COL28A1: variants seen among roughly 807,000 people sequenced by gnomAD.
COL28A1 encodes the protein collagen type XXVIII alpha 1 chain.
In COL28A1, 161 loss-of-function variants were observed where a neutral mutation model predicts 150.2. The ratio of observed to expected loss-of-function variants is 1.07; its 90% CI spans 0.94 to 1.22. The LOEUF (loss-of-function observed/expected upper bound fraction) is 1.22, where lower values mean the gene tolerates loss of function less well. COL28A1 is among the 50% of genes most tolerant of loss of function. The pLI, the probability that COL28A1 is intolerant of heterozygous loss-of-function variation, is 0.00. For synonymous variants in COL28A1, 552 were observed against 469.7 expected (o/e 1.18, Z -2.26); for missense variants, 1,617 against 1,388.3 (o/e 1.16, Z -2.62).
chr7:7,457,917 G>A (rs1242992920), intron 15 of COL28A1, among the ~76,000 whole-genome samples: 1 of 152,164 alleles, frequency 6.6e-6, no homozygotes, highest in Non-Finnish European at 1.5e-5. Context: ...CTTTTAAACA[G>A]TTGGATAGCA....
At chr7:7,402,615 CA>C (rs932533898) in intron 27 of COL28A1, among the ~76,000 whole-genome samples, 2 of 152,118 alleles carry the variant, frequency 1.3e-5, no homozygotes, top group African/African-American at 2.4e-5. Context: ...AAATAAATAT[CA>C]AGGCAAAACA....
intron 3 of COL28A1, among the ~76,000 whole-genome samples, chr7:7,525,710 G>C (rs538279393): frequency 6.6e-6 from 1 of 152,280 alleles, no homozygotes; most frequent in South Asian, 2.1e-4. Flanking sequence ...AGAGGGACGA[G>C]ATAACAAAAT....
At chr7:7,360,549 T>C (rs755563572) in intron 33 of COL28A1, 21 bp from the exon 34 acceptor site, 24 of 1,586,780 alleles carry the variant, frequency 1.5e-5, no homozygotes, top group East Asian at 2.3e-5. Context: ...ATATTCACAT[T>C]TTGTGTTTCT....
Position 7,484,891 on chromosome 7 carries a change from G to T in COL28A1, c.1164+4498C>A, listed in dbSNP as rs1018444094. 6.6e-5 allele frequency among the ~76,000 whole-genome samples: 10 copies of T among 152,104 alleles called. No individual in the cohort carries two copies. In the South Asian group the frequency reaches 8.3e-4, roughly 13 times the overall value. On this transcript the variant is annotated intron_variant, in intron 13 of 34. Transcript: ENST00000399429. ...AAACTAACTCAGAAATCCAAATACT[G>T]CATGTTCTTACCTATAAGTGGGAGC...
intron 15 of COL28A1, among the ~76,000 whole-genome samples, chr7:7,456,511 C>G (rs6948123): frequency 0.057 from 8,621 of 152,114 alleles, 823 homozygotes; most frequent in African/African-American, 0.2. Context: ...TTTAAATTTT[C>G]TAAATACCCT....
chr7:7,452,250 G>T (rs1056659849), intron 18 of COL28A1, 69 bp downstream of exon 18: 83 of 1,564,894 alleles, frequency 5.3e-5, no homozygotes, highest in Middle Eastern at 3.5e-4. Context: ...TAAGGCAATT[G>T]GATATAAAGG....
rs545200838 is a variant in COL28A1, at chr7:7,388,715, G to C, written c.2137-7103C>G. Among the ~76,000 whole-genome samples, 4 of 152,228 alleles carry C rather than the reference G, an allele frequency of 2.6e-5. No homozygotes were observed. In the East Asian group the frequency reaches 7.7e-4, roughly 29 times the overall value. Reference sequence around the variant, plus strand: ...ATCGCCATTCTAACTGGTGTGAGATGGTATCTCATTGTGGTTTTGATTGGC... The same window carrying C: ...ATCGCCATTCTAACTGGTGTGAGATCGTATCTCATTGTGGTTTTGATTGGC... On this transcript the variant is annotated intron_variant, in intron 27 of 34. Transcript: ENST00000399429.
intron 2 of COL28A1, 149 bp downstream of exon 2, chr7:7,532,603 T>C: frequency 9.9e-7 from 1 of 1,013,260 alleles, no homozygotes; most frequent in Non-Finnish European, 1.4e-6. Flanking sequence ...GTATGTAAGG[T>C]ATATTATCAT....
intron 27 of COL28A1, among the ~76,000 whole-genome samples, chr7:7,391,064 A>T (rs1213585760): frequency 6.6e-6 from 1 of 152,052 alleles, no homozygotes; most frequent in Non-Finnish European, 1.5e-5. Context: ...TTTAGTTGCG[A>T]TGTTAGGGTG....
At chr7:7,521,818 G>C (rs1032181457) in intron 5 of COL28A1, 87 bp downstream of exon 5, 9 of 799,424 alleles carry the variant, frequency 1.1e-5, no homozygotes, top group Non-Finnish European at 2.0e-5. Context: ...TTTCAGCAGT[G>C]CAAAATAGCC....
intron 8 of COL28A1, 101 bp downstream of exon 8, chr7:7,515,713 C>CA (rs1026951532): frequency 2.7e-6 from 2 of 750,674 alleles, no homozygotes; most frequent in Non-Finnish European, 2.4e-6. Context: ...TCCAGACTTA[C>CA]AAAAATAAAG....
At chr7:7,522,015 C>T (rs746261721) in intron 4 of COL28A1, 54 bp from the exon 5 acceptor site, 1 of 837,486 alleles carries the variant, frequency 1.2e-6, no homozygotes, top group Admixed American at 1.7e-5. Flanking sequence ...AAATTGTATG[C>T]AGCATTTCAA....
chr7:7,393,368 C>A (rs915265745), intron 27 of COL28A1, among the ~76,000 whole-genome samples: 1 of 152,202 alleles, frequency 6.6e-6, no homozygotes, highest in Non-Finnish European at 1.5e-5. Context: ...AGATGCCAGA[C>A]AGAGCTCTCC....
chr7:7,356,139 T>A (rs904474507), downstream of COL28A1: 4 of 151,160 alleles, frequency 2.6e-5, no homozygotes, highest in African/African-American at 9.8e-5. Flanking sequence ...ATATATGGAT[T>A]AGTTATACCA....
intron 27 of COL28A1, among the ~76,000 whole-genome samples, chr7:7,401,447 G>A (rs925948497): frequency 3.9e-5 from 6 of 152,086 alleles, no homozygotes; most frequent in African/African-American, 1.4e-4. Flanking sequence ...AGATTTAGCT[G>A]TACATGCCCA....
rs539218098 is a variant in COL28A1 at position 7,485,280 on chromosome 7, A to G, written c.1164+4109T>C. Among the ~76,000 whole-genome samples, 46 of 152,306 alleles carry G rather than the reference A, an allele frequency of 3.0e-4. 2 individuals are homozygous for G. The highest frequency in any genetic ancestry group is 5.4e-4 in the Non-Finnish European group (37 of 68,022). ...GTATATATGCTTGAGATATGTATAT[A>G]TATTTGATATTTTGCCCAATTTCTA... On this transcript the variant is annotated intron_variant, in intron 13 of 34. Coordinates refer to ENST00000399429, the MANE Select transcript of COL28A1 (RefSeq NM_001037763.3).
intron 3 of COL28A1, among the ~76,000 whole-genome samples, chr7:7,530,605 T>C (rs972319923): frequency 6.6e-6 from 1 of 152,138 alleles, no homozygotes; most frequent in African/African-American, 2.4e-5. Flanking sequence ...TTGAGAAATA[T>C]TGTGAAGAGG....
chr7:7,510,113 G>T (rs1255634447), intron 9 of COL28A1, among the ~76,000 whole-genome samples: 1 of 151,716 alleles, frequency 6.6e-6, no homozygotes, highest in East Asian at 1.9e-4. Flanking sequence ...GTATCTTGGT[G>T]GCATGATGTT....
chr7:7,446,522 C>G (rs1202059345), intron 18 of COL28A1, among the ~76,000 whole-genome samples: 1 of 152,068 alleles, frequency 6.6e-6, no homozygotes, highest in Non-Finnish European at 1.5e-5. Context: ...TACCAAACTT[C>G]TAAACTTTTG....
Sources: allele counts gnomAD v4.1 joint callset (sites outside exome capture counted in the v4.1 genomes callset), GRCh38; gene constraint gnomAD v4.1.1; transcripts MANE v1.5; gene names NCBI Gene and HGNC (gene_info 2026-07-23, HGNC 2026-07-21).